Variants in NOL4 observed in about 807,000 individuals in gnomAD.
NOL4 encodes nucleolar protein 4.
NOL4 carries 17 observed loss-of-function variants against 75.9 expected under a neutral mutation model. The observed-to-expected ratio is 0.22, with a 90% CI of 0.15 to 0.34. NOL4 has a LOEUF of 0.34. Ranked by LOEUF, NOL4 falls within the 10% of genes least tolerant of loss-of-function variation. The pLI is 1.00. For synonymous variants in NOL4, 292 were observed against 289.9 expected, an observed-to-expected ratio of 1.01 and a Z score of -0.07; for missense variants, 614 against 793.5, an observed-to-expected ratio of 0.77 and a Z score of 2.72.
chr18:34,053,931 G>A (rs1288191614), intron 5 of NOL4, among the ~76,000 whole-genome samples: 3 of 151,818 alleles, frequency 2.0e-5, no homozygotes, highest in Admixed American at 1.3e-4. Flanking sequence ...TGACAATCAA[G>A]TATACTTCAA....
rs181721906 is a variant in NOL4 at position 34,064,590 on chromosome 18, G to A, written c.772+28875C>T. Among the ~76,000 whole-genome samples, 87 of 151,960 alleles carry A rather than the reference G, an allele frequency of 5.7e-4. 2 individuals are homozygous for A. The highest frequency in any genetic ancestry group is 1.0e-3 in the Non-Finnish European group (71 of 67,828). ...TAGATTAGCATGCATTCCAAGTTAT[G>A]AAATACCAATTTATGCTCATAGATT... is the stretch of plus-strand genomic sequence containing the variant. On this transcript the variant is annotated intron_variant, in intron 5 of 10. Coordinates refer to ENST00000261592, the MANE Select transcript of NOL4 (RefSeq NM_003787.5).
intron 6 of NOL4, among the ~76,000 whole-genome samples, chr18:33,970,031 A>G (rs1245123749): frequency 6.6e-6 from 1 of 152,150 alleles, no homozygotes; most frequent in Non-Finnish European, 1.5e-5. Context: ...AAGTTACTGG[A>G]CCCATTCAGT....
intron 1 of NOL4, among the ~76,000 whole-genome samples, chr18:34,189,871 A>G (rs566939961): frequency 9.2e-5 from 14 of 151,942 alleles, no homozygotes; most frequent in Non-Finnish European, 1.9e-4. Flanking sequence ...GATTCATTTT[A>G]AACATCTATT....
intron 6 of NOL4, among the ~76,000 whole-genome samples, chr18:33,986,725 A>T (rs890560727): frequency 6.6e-6 from 1 of 152,136 alleles, no homozygotes; most frequent in African/African-American, 2.4e-5. Flanking sequence ...TTTTTAAAAA[A>T]TGTAACATAT....
chr18:34,172,983 T>C (rs1305171713), intron 1 of NOL4, among the ~76,000 whole-genome samples: 1 of 152,110 alleles, frequency 6.6e-6, no homozygotes, highest in Non-Finnish European at 1.5e-5. Context: ...ATTTTTTTCT[T>C]TGCTCTGCAA....
At chr18:34,085,777 A>T (rs1409266867) in intron 5 of NOL4, among the ~76,000 whole-genome samples, 1 of 152,200 alleles carries the variant, frequency 6.6e-6, no homozygotes, top group Admixed American at 6.5e-5. Flanking sequence ...ATCATTTTTC[A>T]TACCTATCCT....
chr18:34,088,764 G>A (rs1304933092), intron 5 of NOL4, among the ~76,000 whole-genome samples: 1 of 151,992 alleles, frequency 6.6e-6, no homozygotes, highest in African/African-American at 2.4e-5. Flanking sequence ...CCAAAAATGA[G>A]GGTAAAATAC....
At chr18:34,164,353 G>A (rs1426998998) in intron 1 of NOL4, among the ~76,000 whole-genome samples, 1 of 151,924 alleles carries the variant, frequency 6.6e-6, no homozygotes, top group Admixed American at 6.6e-5. Context: ...CTGACAAAGG[G>A]CTAATATCCA....
chr18:33,920,804 C>T (rs2066993347), intron 9 of NOL4, among the ~76,000 whole-genome samples: 1 of 152,124 alleles, frequency 6.6e-6, no homozygotes, highest in Non-Finnish European at 1.5e-5. Flanking sequence ...AAACTGTCAG[C>T]CCAGACTGAA....
intron 6 of NOL4, among the ~76,000 whole-genome samples, chr18:34,013,642 T>A (rs1416651279): frequency 6.6e-6 from 1 of 151,956 alleles, no homozygotes; most frequent in Non-Finnish European, 1.5e-5. Flanking sequence ...TCCCTATTGC[T>A]AAGTGGCCAT....
At chr18:34,017,440 A>G (rs1442719418) in intron 6 of NOL4, among the ~76,000 whole-genome samples, 3 of 152,146 alleles carry the variant, frequency 2.0e-5, no homozygotes, top group Non-Finnish European at 4.4e-5. Flanking sequence ...AAGCAACTTA[A>G]CAGAGCCATC....
At chr18:34,070,137 TTC>T (rs2077450644) in intron 5 of NOL4, among the ~76,000 whole-genome samples, 2 of 152,212 alleles carry the variant, frequency 1.3e-5, no homozygotes, top group East Asian at 1.9e-4. Context: ...GTTCACGCCA[TTC>T]TCCTGCCTCA....
At chr18:33,993,684 G>T (rs2073079245) in intron 6 of NOL4, among the ~76,000 whole-genome samples, 1 of 151,808 alleles carries the variant, frequency 6.6e-6, no homozygotes, top group Non-Finnish European at 1.5e-5. Context: ...TTATAAATAT[G>T]TTGGAAAAAC....
intron 5 of NOL4, among the ~76,000 whole-genome samples, chr18:34,075,821 A>T (rs2077720397): frequency 6.6e-6 from 1 of 152,186 alleles, no homozygotes; most frequent in South Asian, 2.1e-4. Flanking sequence ...CTTTGAGTGC[A>T]TTTGAATTTT....
intron 1 of NOL4, among the ~76,000 whole-genome samples, chr18:34,181,946 A>G (rs776190527): frequency 6.6e-6 from 1 of 151,588 alleles, no homozygotes. Flanking sequence ...TGGGAACCTC[A>G]TAACGTTGCT....
In NOL4 at chr18:33,861,809, A is replaced by G. The variant is rs559101916; in HGVS notation, c.1724-8774T>C. 2.0e-5 allele frequency among the ~76,000 whole-genome samples: 3 copies of G among 152,282 alleles called. 1 individual carries two copies. In the East Asian group the frequency reaches 5.8e-4, roughly 29 times the overall value. On this transcript the variant is annotated intron_variant, in intron 10 of 10. Coordinates refer to ENST00000261592, the MANE Select transcript of NOL4 (RefSeq NM_003787.5). Reference sequence around the variant, plus strand: ...GGAAGAACATTCCATGCTCATGGGTAGGAAGAATCAATATCATGAAAATGG... The same window carrying G: ...GGAAGAACATTCCATGCTCATGGGTGGGAAGAATCAATATCATGAAAATGG...
intron 1 of NOL4, among the ~76,000 whole-genome samples, chr18:34,137,779 T>TATACAC (rs1354745785): frequency 0.02 from 2,951 of 147,126 alleles, 90 homozygotes; most frequent in African/African-American, 0.058. Context: ...ATATACGAAA[T>TATACAC]ACACACACAC....
chr18:34,129,893 C>A lies in NOL4; in HGVS notation c.392G>T (p.Gly131Val). The A allele has an allele frequency of 6.3e-7, 1 of 1,577,536 alleles. No homozygotes were observed. Among genetic ancestry groups the A allele is most frequent in the Non-Finnish European group, 8.6e-7 (1 of 1,161,720 alleles). Residue 131 changes from glycine (G) to valine (V), a missense_variant, in exon 2 of 11, where the codon GGA becomes GTA. Gly to Val is a moderately radical substitution (Grantham distance 109). Around this residue, in one of 9 missense-constraint regions of NOL4, gnomAD observed 135 missense variants for 220.4 expected, o/e 0.61. Transcript: ENST00000261592. ...PNGEQIRKHA[G>V]QKRTYKAISE... The stretch of plus-strand genomic sequence containing the variant: ...TACTGCTTTGTAAGTTCTCTTTTGT[C>A]CAGCGTGTTTCCGAATTTGTTCTCC...
rs78424610 is a variant in NOL4, at chr18:33,934,298, C to T, written c.1542+8767G>A. On this transcript the variant is annotated intron_variant, in intron 9 of 10. Transcript: ENST00000261592. ...TAGATTTTCATGAAATTCTTAAGGG[C>T]CCTAGGATCTTCAGAATGGTAAATG... Among the ~76,000 whole-genome samples, 872 of 152,078 alleles carry T rather than the reference C, an allele frequency of 5.7e-3. 13 individuals carry two copies. Among genetic ancestry groups the T allele is most frequent in the African/African-American group, 0.02 (838 of 41,500 alleles).
Sources: gnomAD v4.1 joint callset for allele counts (sites outside exome capture counted in the v4.1 genomes callset) on GRCh38, gnomAD v4.1.1 for gene constraint, gnomAD v4.1.1 regional missense constraint, MANE v1.5 for transcripts, NCBI Gene and HGNC (gene_info 2026-07-23, HGNC 2026-07-21) for gene names.